The following MGAT4C variants were observed in gnomAD, a reference collection of about 807,000 sequenced individuals.
MGAT4C encodes the protein MGAT4 family member C.
MGAT4C carries 19 observed loss-of-function variants against 40.1 expected under a neutral mutation model. That is an observed-to-expected ratio of 0.47 (90% CI 0.33 to 0.70). MGAT4C has a LOEUF of 0.70. MGAT4C is among the 30% of genes least tolerant of loss of function. The probability of loss-of-function intolerance (pLI) is 0.02; values close to 1 mark genes in which losing one functional copy is unlikely to be tolerated. For synonymous variants in MGAT4C, 181 were observed against 187.1 expected, an observed-to-expected ratio of 0.97 and a Z score of 0.27; for missense variants, 491 against 563.2, an observed-to-expected ratio of 0.87 and a Z score of 1.30.
intron 4 of MGAT4C, among the ~76,000 whole-genome samples, chr12:86,329,947 T>C: frequency 6.6e-6 from 1 of 152,316 alleles, no homozygotes; most frequent in East Asian, 1.9e-4. Flanking sequence ...TGTGTGTTTC[T>C]TTAAACTATT....
chr12:86,095,075 G>T (rs1312374478), intron 1 of MGAT4C, among the ~76,000 whole-genome samples: 2 of 152,056 alleles, frequency 1.3e-5, no homozygotes, highest in Non-Finnish European at 2.9e-5. Flanking sequence ...TCAGATTTAA[G>T]AACAATACAT....
Position 85,971,206 on chromosome 12 carries a change from A to T in MGAT4C, c.*8083T>A, listed in dbSNP as rs1028833512. Reference sequence around the variant, plus strand: ...AACAAATTTCACTTTCTTCTTATAAAAGAAAATAATTTTTATGGTAACTAA... The same window carrying T: ...AACAAATTTCACTTTCTTCTTATAATAGAAAATAATTTTTATGGTAACTAA... On this transcript the variant is annotated 3_prime_UTR_variant, in exon 5 of 5. Coordinates refer to ENST00000611864, the MANE Select transcript of MGAT4C (RefSeq NM_001351288.2). The T allele has an allele frequency of 6.6e-6, 1 of 151,294 alleles. No homozygotes were observed. The highest frequency in any genetic ancestry group is 2.4e-5 in the African/African-American group (1 of 41,352). The allele number at this position is 151,294 out of a possible 1,614,324, so 9.4% of individuals were successfully genotyped here.
intron 2 of MGAT4C, among the ~76,000 whole-genome samples, chr12:86,622,026 A>G (rs1481534820): frequency 6.6e-6 from 1 of 152,172 alleles, no homozygotes; most frequent in Non-Finnish European, 1.5e-5. Context: ...ATTTTACTCA[A>G]CTGTAGGCTA....
intron 3 of MGAT4C, among the ~76,000 whole-genome samples, chr12:86,370,822 T>C (rs1274462576): frequency 6.6e-6 from 1 of 152,052 alleles, no homozygotes; most frequent in Non-Finnish European, 1.5e-5. Context: ...ATGACAAGCA[T>C]TGAAATACTA....
chr12:86,821,260 C>T (rs575367810), intron 1 of MGAT4C, among the ~76,000 whole-genome samples: 11 of 150,630 alleles, frequency 7.3e-5, no homozygotes, highest in Non-Finnish European at 1.3e-4. Flanking sequence ...TATAAAAGTT[C>T]CTGTCCAGGT....
intron 2 of MGAT4C, among the ~76,000 whole-genome samples, chr12:86,531,631 G>C (rs1958986030): frequency 6.6e-6 from 1 of 151,888 alleles, no homozygotes. Flanking sequence ...CATCCATTCA[G>C]TTATGAAATC....
chr12:86,648,598 G>A (rs957801261), intron 2 of MGAT4C, among the ~76,000 whole-genome samples: 2 of 151,864 alleles, frequency 1.3e-5, no homozygotes, highest in Non-Finnish European at 2.9e-5. Flanking sequence ...ACCAGGAAGA[G>A]AGCCCTCACC....
intron 3 of MGAT4C, among the ~76,000 whole-genome samples, chr12:86,369,164 T>C (rs1457102962): frequency 6.6e-6 from 1 of 152,000 alleles, no homozygotes; most frequent in Non-Finnish European, 1.5e-5. Context: ...CTGATATAAG[T>C]TTAGCCATGC....
At chr12:86,740,433 A>G (rs1951050520) in intron 1 of MGAT4C, among the ~76,000 whole-genome samples, 1 of 151,274 alleles carries the variant, frequency 6.6e-6, no homozygotes, top group South Asian at 2.1e-4. Flanking sequence ...AATAAAATTG[A>G]AAGACTAAAT....
intron 2 of MGAT4C, among the ~76,000 whole-genome samples, chr12:86,676,454 CAT>C (rs1967919343): frequency 1.3e-5 from 2 of 152,202 alleles, no homozygotes; most frequent in South Asian, 4.1e-4. Context: ...AAAACAAAAA[CAT>C]ACACATAATC....
intron 2 of MGAT4C, among the ~76,000 whole-genome samples, chr12:86,527,946 A>C (rs1319986422): frequency 6.6e-6 from 1 of 152,188 alleles, no homozygotes; most frequent in Non-Finnish European, 1.5e-5. Context: ...ATGAAGAAAA[A>C]AATGTAAATG....
At chr12:86,203,827 C>G (rs1167307002) in intron 1 of MGAT4C, among the ~76,000 whole-genome samples, 1 of 151,546 alleles carries the variant, frequency 6.6e-6, no homozygotes, top group Non-Finnish European at 1.5e-5. Context: ...CGTGGTGGTG[C>G]AGGCCTGTAA....
intron 1 of MGAT4C, among the ~76,000 whole-genome samples, chr12:86,052,829 T>C (rs1288569209): frequency 6.6e-6 from 1 of 152,014 alleles, no homozygotes; most frequent in Non-Finnish European, 1.5e-5. Flanking sequence ...CCCAAAGCTT[T>C]CATCATTAAT....
intron 2 of MGAT4C, among the ~76,000 whole-genome samples, chr12:86,551,865 C>A (rs191663083): frequency 6.6e-6 from 1 of 152,070 alleles, no homozygotes; most frequent in Non-Finnish European, 1.5e-5. Flanking sequence ...AGAGATTACA[C>A]TATTGTGTCC....
chr12:86,558,963 A>G (rs1342754296), intron 2 of MGAT4C, among the ~76,000 whole-genome samples: 1 of 152,020 alleles, frequency 6.6e-6, no homozygotes, highest in East Asian at 1.9e-4. Flanking sequence ...CATGTCAACT[A>G]TAAGAAACTC....
chr12:86,692,512 A>G (rs76709536), intron 2 of MGAT4C, among the ~76,000 whole-genome samples: 1,607 of 152,284 alleles, frequency 0.011, 16 homozygotes, highest in East Asian at 0.038. Flanking sequence ...TTTCTCTCCA[A>G]TTTGTTTAAA....
intron 2 of MGAT4C, among the ~76,000 whole-genome samples, chr12:86,443,555 C>A (rs1957274125): frequency 6.6e-6 from 1 of 152,088 alleles, no homozygotes; most frequent in Non-Finnish European, 1.5e-5. Context: ...AATATCAACC[C>A]ATCCCAACTA....
At chr12:86,670,609 G>A (rs1176537161) in intron 2 of MGAT4C, among the ~76,000 whole-genome samples, 5 of 152,204 alleles carry the variant, frequency 3.3e-5, no homozygotes, top group East Asian at 1.9e-4. Flanking sequence ...TAAGTTGTTC[G>A]CATTCATGAG....
intron 2 of MGAT4C, among the ~76,000 whole-genome samples, chr12:86,558,297 T>C (rs1341340237): frequency 3.9e-5 from 6 of 152,134 alleles, no homozygotes; most frequent in Non-Finnish European, 1.5e-5. Context: ...AACAGAATAA[T>C]AGTTTAAAAA....
Sources: gnomAD v4.1 joint callset for allele counts (sites outside exome capture counted in the v4.1 genomes callset) on GRCh38, gnomAD v4.1.1 for gene constraint, MANE v1.5 for transcripts, NCBI Gene and HGNC (gene_info 2026-07-23, HGNC 2026-07-21) for gene names.